The following SPIC variants were observed in gnomAD, a reference collection of about 807,000 sequenced individuals.
SPIC encodes transcription factor Spi-C.
In SPIC, 9 loss-of-function variants were observed where a neutral mutation model predicts 16.7. The ratio of observed to expected loss-of-function variants is 0.54; its 90% confidence interval spans 0.33 to 0.94. SPIC has a LOEUF of 0.94. Among genes scored for constraint, SPIC ranks in the 40% least tolerant of loss-of-function variants. The pLI is 0.03. For synonymous variants in SPIC, 97 were observed against 102.9 expected (o/e 0.94, Z 0.35); for missense variants, 241 against 285.8 (o/e 0.84, Z 1.13).
chr12:101,477,484 T>C, intron 2 of SPIC, 74 bp from the exon 3 acceptor site: 4 of 1,378,886 alleles, frequency 2.9e-6, no homozygotes, highest in Non-Finnish European at 4.1e-6. Context: ...TTAGACTAAA[T>C]ACTATTTTAA....
chr12:101,484,388 T>C (rs1395521320), intron 5 of SPIC, among the ~76,000 whole-genome samples: 1 of 151,440 alleles, frequency 6.6e-6, no homozygotes, highest in South Asian at 2.1e-4. Flanking sequence ...AAAAAAAATT[T>C]AGCCGGGCAT....
In SPIC at chr12:101,479,203, A is replaced by AGAAG. The variant is rs1565831055; in HGVS notation, c.98-376_98-375insGGAA. 6.0e-4 allele frequency among the ~76,000 whole-genome samples: 78 copies of AGAAG among 130,134 alleles called. 1 individual carries two copies. The highest frequency in any genetic ancestry group is 1.0e-3 in the Non-Finnish European group (61 of 60,352). The allele number at this position is 130,134 out of a possible 152,430, so 85.4% of individuals were successfully genotyped here. On this transcript the variant is annotated intron_variant, in intron 3 of 5. Coordinates refer to ENST00000551346, the MANE Select transcript of SPIC (RefSeq NM_152323.3). The stretch of plus-strand genomic sequence containing the variant: ...AAGAAAGAAAGAAAGAAAGAAAGAA[A>AGAAG]GAAAGAAAGAAAGAAAGAAGGAAAG...
At position 101,482,919 on chromosome 12, in the gene SPIC, C is replaced by T. The variant is rs773274972; in HGVS notation, c.319+19C>T. The stretch of plus-strand genomic sequence containing the variant: ...GGAAAAGGTACGTTGATCCATCATT[C>T]GTTATACAGGTAAAAGAACCAGATC... On this transcript the variant is annotated intron_variant, in intron 5 of 5. Coordinates refer to ENST00000551346, the MANE Select transcript of SPIC (RefSeq NM_152323.3). 2.5e-6 allele frequency: 4 copies of T among 1,598,416 alleles called. No individual in the cohort carries two copies. Among genetic ancestry groups the T allele is most frequent in the African/African-American group, 1.3e-5 (1 of 74,622 alleles).
chr12:101,479,239 AGAAAAAGAAAGAAAGAAG>A (rs1873082986), intron 3 of SPIC, among the ~76,000 whole-genome samples: 18 of 100,164 alleles, frequency 1.8e-4, no homozygotes, highest in Admixed American at 4.2e-4. Flanking sequence ...AAAGAAAGAA[AGAAAAAGAAAGAAAGAAG>A]GAAGGAAAGA....
intron 4 of SPIC, among the ~76,000 whole-genome samples, chr12:101,480,148 T>C (rs1013285930): frequency 6.6e-6 from 1 of 152,204 alleles, no homozygotes; most frequent in Non-Finnish European, 1.5e-5. Context: ...TCAGCTGTAG[T>C]CTGAACTTGA....
intron 3 of SPIC, among the ~76,000 whole-genome samples, chr12:101,479,172 AAAAGAAAGAAAGAAAGAAAGAAAG>A (rs199501054): frequency 1.2e-5 from 1 of 82,932 alleles, no homozygotes; most frequent in East Asian, 3.3e-4. Context: ...GAAAGAAAGA[AAAAGAAAGAAAGAAAGAAAGAAAG>A]AAAGAAAGAA....
chr12:101,483,829 C>T (rs1873283547), intron 5 of SPIC, among the ~76,000 whole-genome samples: 1 of 151,930 alleles, frequency 6.6e-6, no homozygotes, highest in Non-Finnish European at 1.5e-5. Flanking sequence ...AAACCCTGGC[C>T]TCAGGTGATC....
chr12:101,479,354 A>T lies in SPIC; in HGVS notation c.98-228A>T, dbSNP rs1388694317. On this transcript the variant is annotated intron_variant, in intron 3 of 5. Transcript: ENST00000551346. ...AAGAAAGAAAGAAAGAAAGAAAGAAAGAAATCATGCGGTTTCAGCCTGCAA... is the reference window on the plus strand; with the variant it reads ...AAGAAAGAAAGAAAGAAAGAAAGAATGAAATCATGCGGTTTCAGCCTGCAA... Among the ~76,000 whole-genome samples the T allele has an allele frequency of 2.0e-5, 3 of 151,370 alleles. No individual in the cohort carries two copies. The South Asian group carries it at 6.3e-4, about 32-fold the overall frequency.
At chr12:101,482,677 C>A in intron 4 of SPIC, 115 bp from the exon 5 acceptor site, 1 of 952,666 alleles carries the variant, frequency 1.0e-6, no homozygotes, top group Non-Finnish European at 1.6e-6. Context: ...GGGGGTAATT[C>A]CTTTTGCAAT....
chr12:101,480,552 G>A (rs1271593303), intron 4 of SPIC, among the ~76,000 whole-genome samples: 2 of 152,268 alleles, frequency 1.3e-5, no homozygotes, highest in South Asian at 2.1e-4. Flanking sequence ...TTATCAAGCG[G>A]TCTTCATGGG....
At chr12:101,477,936 C>A (rs1197081223) in intron 3 of SPIC, among the ~76,000 whole-genome samples, 1 of 152,156 alleles carries the variant, frequency 6.6e-6, no homozygotes, top group Non-Finnish European at 1.5e-5. Context: ...AATTGCTGAA[C>A]CTGAGAGGCA....
intron 4 of SPIC, 120 bp downstream of exon 4, chr12:101,479,814 C>CTT (rs1873131515): frequency 4.0e-6 from 2 of 494,400 alleles, no homozygotes; most frequent in Non-Finnish European, 6.1e-6. Context: ...ATGGTTTTTT[C>CTT]TTTCTTTTTT....
chr12:101,479,154 AAAAGAAAGAAAGAAAGAAAAAGAAAG>A, intron 3 of SPIC, among the ~76,000 whole-genome samples: 1 of 131,844 alleles, frequency 7.6e-6, no homozygotes, highest in East Asian at 2.3e-4. Context: ...AAAAAGAAAG[AAAAGAAAGAAAGAAAGAAAAAGAAAG>A]AAAGAAAGAA....
intron 3 of SPIC, among the ~76,000 whole-genome samples, chr12:101,479,133 T>A (rs1873053427): frequency 9.4e-6 from 1 of 106,282 alleles, no homozygotes; most frequent in Non-Finnish European, 1.8e-5. Flanking sequence ...CAAGACCCTG[T>A]CTTAAAAAAA....
chr12:101,481,768 C>G (rs1873205921), intron 4 of SPIC, among the ~76,000 whole-genome samples: 1 of 151,474 alleles, frequency 6.6e-6, no homozygotes, highest in Admixed American at 6.6e-5. Flanking sequence ...CCCACCTCGG[C>G]CTCCCAAAGT....
intron 3 of SPIC, among the ~76,000 whole-genome samples, chr12:101,479,256 AGG>A (rs1565831211): frequency 0.025 from 2,405 of 95,660 alleles, 204 homozygotes; most frequent in African/African-American, 0.056. Context: ...GAAAGAAAGA[AGG>A]AAGGAAAGAA....
chr12:101,482,857 C>T lies in SPIC; in HGVS notation c.276C>T (p.Asn92=), dbSNP rs760732422. 1 of 1,614,038 alleles carries T rather than the reference C, an allele frequency of 6.2e-7. No individual in the cohort carries two copies. The highest frequency in any genetic ancestry group is 8.5e-7 in the Non-Finnish European group (1 of 1,180,006). The change falls in exon 5 of 6, where the codon AAC becomes AAT. Residue 92 remains asparagine, a synonymous_variant. Coordinates refer to ENST00000551346, the MANE Select transcript of SPIC (RefSeq NM_152323.3). ...AATCTCTGCAGAACATAACTGAAAA[C>T]CAGCTGGTACAACCCACTCTTCTCC... ...IHQSLQNITE[N]QLVQPTLLQQ... is the part of the protein sequence containing the mutation.
At chr12:101,484,627 G>T (rs192218562) in intron 5 of SPIC, among the ~76,000 whole-genome samples, 2 of 151,484 alleles carry the variant, frequency 1.3e-5, no homozygotes, top group African/African-American at 4.8e-5. Context: ...CTGGTTCAAG[G>T]AGGCTACCTG....
At position 101,477,588 on chromosome 12, in the gene SPIC, G is replaced by A. The variant is rs542497526; in HGVS notation, c.34G>A (p.Ala12Thr). ...TGTTGAACAAGACAAGCTGGGTCAAGCATTTGAAGATGCTTTTGAGGTTCT... is the reference window on the plus strand; with the variant it reads ...TGTTGAACAAGACAAGCTGGGTCAAACATTTGAAGATGCTTTTGAGGTTCT... ...TCVEQDKLGQ[A>T]FEDAFEVLRQ... Residue 12 changes from alanine to threonine, a missense_variant, in exon 3 of 6, where the codon GCA (alanine) becomes ACA (threonine). Transcript: ENST00000551346. 6.2e-7 allele frequency: 1 copy of A among 1,614,070 alleles called. No homozygotes were observed. Among genetic ancestry groups the A allele is most frequent in the East Asian group, 2.2e-5 (1 of 44,884 alleles).
Sources: gnomAD v4.1 joint callset for allele counts (sites outside exome capture counted in the v4.1 genomes callset) on GRCh38, gnomAD v4.1.1 for gene constraint, MANE v1.5 for transcripts, NCBI Gene and HGNC (gene_info 2026-07-23, HGNC 2026-07-21) for gene names.